Variants in SCEL observed in about 807,000 individuals in gnomAD.
SCEL encodes sciellin.
Under a neutral mutation model 117.6 loss-of-function variants are expected in SCEL, and 113 were observed. The ratio of observed to expected loss-of-function variants is 0.96; its 90% CI spans 0.83 to 1.12. The LOEUF (loss-of-function observed/expected upper bound fraction) is 1.12. Among genes scored for constraint, SCEL ranks in the 50% most tolerant of loss-of-function variants. SCEL has a pLI of 0.00. For synonymous variants in SCEL, 270 were observed against 256.2 expected, an observed-to-expected ratio of 1.05 and a Z score of -0.51; for missense variants, 785 against 810.8, an observed-to-expected ratio of 0.97 and a Z score of 0.39.
In SCEL at chr13:77,616,004, CTGTGTGTG is replaced by C. The variant is rs1169054133; in HGVS notation, c.1452-1560_1452-1553del. Among the ~76,000 whole-genome samples, 382 of 114,230 alleles carry C rather than the reference CTGTGTGTG, an allele frequency of 3.3e-3. 3 individuals carry two copies. Among genetic ancestry groups the C allele is most frequent in the African/African-American group, 0.013 (332 of 24,958 alleles). The allele number at this position is 114,230 out of a possible 152,430, so 74.9% of individuals were successfully genotyped here. On this transcript the variant is annotated intron_variant, in intron 24 of 32. Coordinates refer to ENST00000349847, the MANE Select transcript of SCEL (RefSeq NM_144777.3). ...ATTATTTCATAAAATTTATGTCTCT[CTGTGTGTG>C]TGTGTGTGTGTGTGTGTGTGTGTGT... is the stretch of plus-strand genomic sequence containing the variant.
chr13:77,552,666 T>C (rs1436250769), intron 1 of SCEL, among the ~76,000 whole-genome samples: 1 of 152,240 alleles, frequency 6.6e-6, no homozygotes, highest in African/African-American at 2.4e-5. Context: ...CTGATGGTAG[T>C]TTCTTTTGCT....
At chr13:77,596,731 G>A (rs1317329062) in intron 12 of SCEL, among the ~76,000 whole-genome samples, 2 of 151,450 alleles carry the variant, frequency 1.3e-5, no homozygotes, top group African/African-American at 4.9e-5. Flanking sequence ...GTGGTCGGGG[G>A]TAGGTCATGA....
At chr13:77,555,219 T>C (rs947033067) in intron 1 of SCEL, among the ~76,000 whole-genome samples, 27 of 152,180 alleles carry the variant, frequency 1.8e-4, no homozygotes, top group African/African-American at 5.8e-4. Context: ...GGATCAGTCC[T>C]GGGCAGACTG....
At chr13:77,614,329 A>G (rs1214491324) in intron 24 of SCEL, among the ~76,000 whole-genome samples, 1 of 152,150 alleles carries the variant, frequency 6.6e-6, no homozygotes, top group Admixed American at 6.5e-5. Context: ...AAAGACCTAG[A>G]CACTTCCATT....
At chr13:77,614,937 T>C (rs2088915256) in intron 24 of SCEL, among the ~76,000 whole-genome samples, 1 of 152,140 alleles carries the variant, frequency 6.6e-6, no homozygotes, top group African/African-American at 2.4e-5. Context: ...TCAGTAGACA[T>C]AGTCAATCTT....
intron 9 of SCEL, among the ~76,000 whole-genome samples, chr13:77,575,509 A>G (rs1223459069): frequency 6.6e-6 from 1 of 152,182 alleles, no homozygotes; most frequent in South Asian, 2.1e-4. Flanking sequence ...ATTTCCTGAG[A>G]AGTGTCATTT....
intron 29 of SCEL, among the ~76,000 whole-genome samples, chr13:77,634,690 T>C (rs1217126579): frequency 2.0e-5 from 3 of 152,218 alleles, no homozygotes; most frequent in African/African-American, 7.2e-5. Flanking sequence ...CATGTATACA[T>C]AATAGGGTTG....
rs1424562077 is a variant in SCEL, at chr13:77,644,398, C to T, written c.*124C>T. 5.2e-6 allele frequency: 5 copies of T among 956,542 alleles called. No homozygotes were observed. Among genetic ancestry groups the T allele is most frequent in the Admixed American group, 4.4e-5 (2 of 45,292 alleles). 59.3% of individuals were successfully genotyped at this position (956,542 alleles called of 1,614,324 possible). A position where few individuals can be genotyped will look rare whatever the true frequency, so the allele number is the denominator to read the frequency against. The stretch of plus-strand genomic sequence containing the variant: ...AAGATCAACTCTTGTACAAAATTAA[C>T]AATTCTGTTATTGCATAAGTAATCT... On this transcript the variant is annotated 3_prime_UTR_variant, in exon 33 of 33. Transcript: ENST00000349847.
intron 22 of SCEL, among the ~76,000 whole-genome samples, chr13:77,610,906 A>T (rs924151225): frequency 6.6e-6 from 1 of 152,244 alleles, no homozygotes; most frequent in African/African-American, 2.4e-5. Context: ...TCTCTAAGAC[A>T]TATCATGTTA....
chr13:77,572,325 T>C (rs1193301245), intron 9 of SCEL, 136 bp downstream of exon 9: 3 of 667,510 alleles, frequency 4.5e-6, no homozygotes, highest in South Asian at 1.7e-5. Flanking sequence ...TACAGGAGAG[T>C]GTCCAGTGGT....
chr13:77,621,636 C>T (rs568449906), intron 27 of SCEL, among the ~76,000 whole-genome samples: 1 of 152,122 alleles, frequency 6.6e-6, no homozygotes, highest in South Asian at 2.1e-4. Context: ...TATTTATTTA[C>T]CTGTAATGCA....
chr13:77,632,282 T>C (rs566298749), intron 28 of SCEL, among the ~76,000 whole-genome samples: 1 of 152,382 alleles, frequency 6.6e-6, no homozygotes, highest in South Asian at 2.1e-4. Context: ...ATTCTATTGC[T>C]GAGGACAGTG....
intron 22 of SCEL, among the ~76,000 whole-genome samples, chr13:77,611,029 T>A (rs142000901): frequency 2.6e-5 from 4 of 152,206 alleles, no homozygotes; most frequent in Non-Finnish European, 5.9e-5. Context: ...TCTCAGCAGA[T>A]TTCCTATCTT....
intron 1 of SCEL, among the ~76,000 whole-genome samples, chr13:77,553,191 C>T (rs538258210): frequency 1.3e-5 from 2 of 152,334 alleles, no homozygotes; most frequent in East Asian, 1.9e-4. Context: ...AGCACCTACT[C>T]TCTCCCAGAT....
chr13:77,550,061 T>C (rs987371277), intron 1 of SCEL, among the ~76,000 whole-genome samples: 2 of 151,716 alleles, frequency 1.3e-5, no homozygotes, highest in African/African-American at 4.8e-5. Context: ...AAATTCACCA[T>C]TTTAAAGTGT....
intron 4 of SCEL, among the ~76,000 whole-genome samples, chr13:77,562,277 G>A (rs1237802819): frequency 6.6e-6 from 1 of 152,134 alleles, no homozygotes; most frequent in Non-Finnish European, 1.5e-5. Context: ...GATGGTGTCT[G>A]GGGAGGGGCT....
At chr13:77,638,931 A>G (rs1021263810) in intron 30 of SCEL, among the ~76,000 whole-genome samples, 12 of 152,038 alleles carry the variant, frequency 7.9e-5, no homozygotes, top group Non-Finnish European at 1.8e-4. Flanking sequence ...AACAATGCAG[A>G]TGGCACTTTT....
chr13:77,582,963 TA>T lies in SCEL; in HGVS notation c.546-6179del, dbSNP rs1389682022. Among the ~76,000 whole-genome samples the T allele has an allele frequency of 2.6e-5, 4 of 152,358 alleles. No homozygotes were observed. The East Asian group carries it at 5.8e-4, about 22-fold the overall frequency. On this transcript the variant is annotated intron_variant, in intron 9 of 32. Transcript: ENST00000349847. ...ATTTTTATGTCTTTGAGAAAACATCTAAGGACAAAAAGCTGCTATGACTTAA... is the reference window on the plus strand; with the variant it reads ...ATTTTTATGTCTTTGAGAAAACATCTAGGACAAAAAGCTGCTATGACTTAA...
chr13:77,538,115 CTTT>C (rs35197581), intron 1 of SCEL, among the ~76,000 whole-genome samples: 50 of 128,926 alleles, frequency 3.9e-4, no homozygotes, highest in African/African-American at 7.9e-4. Flanking sequence ...AATCAAAAGT[CTTT>C]TTTTTTTTTT....
Sources: gnomAD v4.1 joint callset for allele counts (sites outside exome capture counted in the v4.1 genomes callset) on GRCh38, gnomAD v4.1.1 for gene constraint, MANE v1.5 for transcripts, NCBI Gene and HGNC (gene_info 2026-07-23, HGNC 2026-07-21) for gene names.